KSR1: variants seen among roughly 807,000 people sequenced by gnomAD.
KSR1 encodes the protein kinase suppressor of ras.
In KSR1, 35 loss-of-function variants were observed where a neutral mutation model predicts 92.9. The observed-to-expected ratio is 0.38, with a 90% CI of 0.29 to 0.50. The LOEUF (loss-of-function observed/expected upper bound fraction) is 0.50. KSR1 is among the 20% of genes least tolerant of loss of function. The pLI, the probability that KSR1 is intolerant of heterozygous loss-of-function variation, is 0.94. For missense variants in KSR1, 972 were observed against 1,158.5 expected (o/e 0.84, Z 2.34); for synonymous variants, 467 against 472.6 (o/e 0.99, Z 0.15).
chr17:27,549,398 C>T (rs1051098019), intron 1 of KSR1, among the ~76,000 whole-genome samples: 3 of 152,194 alleles, frequency 2.0e-5, no homozygotes, highest in Admixed American at 6.5e-5. Context: ...TAACTGGCCT[C>T]TGTTGGGAAT....
At position 27,559,016 on chromosome 17, in the gene KSR1, C is replaced by T. The variant is rs552333555; in HGVS notation, c.372+8308C>T. Among the ~76,000 whole-genome samples, 1 of 152,290 alleles carries T rather than the reference C, an allele frequency of 6.6e-6. No homozygotes were observed. Among genetic ancestry groups the T allele is most frequent in the Admixed American group, 6.5e-5 (1 of 15,296 alleles). On this transcript the variant is annotated intron_variant, in intron 2 of 20. Coordinates refer to ENST00000644974, the MANE Select transcript of KSR1 (RefSeq NM_001394583.1). The surrounding 1 kb of genome is among the most constrained non-coding windows in gnomAD (Gnocchi z 4.2). ...TGTGTGTAATCTCCTCCTTCCTTTT[C>T]CATATTGTTTTCCTAAGGGCCATCC...
chr17:27,607,150 A>G (rs1262867791), intron 14 of KSR1, among the ~76,000 whole-genome samples: 1 of 152,220 alleles, frequency 6.6e-6, no homozygotes, highest in African/African-American at 2.4e-5. Context: ...GAAAATATTC[A>G]TTAACAAAAA....
Position 27,623,381 on chromosome 17 carries a change from C to A in KSR1, c.2776C>A (p.Pro926Thr). 1 of 764,858 alleles carries A rather than the reference C, an allele frequency of 1.3e-6. No homozygotes were observed. Among genetic ancestry groups the A allele is most frequent in the East Asian group, 2.4e-5 (1 of 41,248 alleles). The allele number at this position is 764,858 out of a possible 1,614,324, so 47.4% of individuals were successfully genotyped here. ...FGLGVLESSN[P>T]KM Reference sequence around the variant, plus strand: ...CTTGGGCGTCCTGGAGTCCAGTAATCCAAAGATGTAGCCAGCCATATGGTT... The same window carrying A: ...CTTGGGCGTCCTGGAGTCCAGTAATACAAAGATGTAGCCAGCCATATGGTT... The change falls in exon 21 of 21, where the codon CCA (proline) becomes ACA (threonine). Residue 926 changes from proline to threonine, a missense_variant. Physicochemically the swap from Pro to Thr is conservative, Grantham distance 38. Coordinates refer to ENST00000644974, the MANE Select transcript of KSR1 (RefSeq NM_001394583.1).
chr17:27,613,078 T>A (rs1360214032), intron 18 of KSR1: 1 of 152,252 alleles, frequency 6.6e-6, no homozygotes, highest in Non-Finnish European at 1.5e-5. Flanking sequence ...CCTCCAAAGA[T>A]GACACCAAAA....
chr17:27,569,315 G>A (rs944240769), intron 2 of KSR1, among the ~76,000 whole-genome samples: 13 of 152,188 alleles, frequency 8.5e-5, no homozygotes, highest in Admixed American at 5.9e-4. Flanking sequence ...GGACACATCC[G>A]GCCATTTTCA....
chr17:27,609,965 T>A, intron 16 of KSR1, 102 bp from the exon 17 acceptor site: 4 of 1,459,770 alleles, frequency 2.7e-6, no homozygotes, highest in Non-Finnish European at 3.7e-6. Context: ...TTCTAAGCTG[T>A]GTGTGGGTGT....
chr17:27,562,730 T>C (rs1047162575), intron 2 of KSR1, among the ~76,000 whole-genome samples: 22 of 152,244 alleles, frequency 1.4e-4, no homozygotes, highest in African/African-American at 5.1e-4. Flanking sequence ...CAATCTCTTA[T>C]TACCCTTCTT....
At chr17:27,599,912 G>A (rs113013020) in intron 10 of KSR1, among the ~76,000 whole-genome samples, 10 of 151,268 alleles carry the variant, frequency 6.6e-5, no homozygotes, top group East Asian at 5.8e-4. Flanking sequence ...AGACACACAC[G>A]CTAGCCTAGG....
intron 1 of KSR1, chr17:27,465,020 G>A (rs1447548070): frequency 2.6e-5 from 4 of 152,160 alleles, no homozygotes; most frequent in Non-Finnish European, 5.9e-5. Context: ...TGTAGTCAAA[G>A]GGTTGGACAC....
chr17:27,617,647 C>A (rs1184853323), intron 19 of KSR1: 6 of 508,382 alleles, frequency 1.2e-5, no homozygotes, highest in Non-Finnish European at 2.1e-5. Flanking sequence ...CCTGCCTCAG[C>A]CTCCCGAGTA....
At chr17:27,614,898 G>A (rs908712076) in intron 18 of KSR1, among the ~76,000 whole-genome samples, 4 of 152,092 alleles carry the variant, frequency 2.6e-5, no homozygotes, top group Non-Finnish European at 4.4e-5. Flanking sequence ...GGGGAACATT[G>A]GTCAACGCAA....
intron 7 of KSR1, 21 bp downstream of exon 7, chr17:27,590,915 G>C (rs543824081): frequency 1.3e-6 from 2 of 1,594,864 alleles, no homozygotes; most frequent in African/African-American, 2.7e-5. Context: ...GAGGAGTGGG[G>C]GTGGGGGGAG....
chr17:27,534,790 G>A (rs936563854), intron 1 of KSR1, among the ~76,000 whole-genome samples: 1 of 152,180 alleles, frequency 6.6e-6, no homozygotes, highest in Non-Finnish European at 1.5e-5. Context: ...AGAGAAGGTG[G>A]TCTTGCCTTC....
chr17:27,471,427 A>G (rs2019995367), intron 1 of KSR1, among the ~76,000 whole-genome samples: 1 of 152,136 alleles, frequency 6.6e-6, no homozygotes, highest in South Asian at 2.1e-4. Context: ...TTTTGAGCTG[A>G]GTCTTGAAAG....
chr17:27,552,016 C>CT (rs1335349801), intron 2 of KSR1, among the ~76,000 whole-genome samples: 3 of 152,212 alleles, frequency 2.0e-5, no homozygotes, highest in Admixed American at 2.0e-4. Flanking sequence ...TCGGTAGACT[C>CT]TAACCTTTGC....
intron 19 of KSR1, among the ~76,000 whole-genome samples, chr17:27,619,356 T>C (rs2074152105): frequency 6.6e-6 from 1 of 152,038 alleles, no homozygotes; most frequent in African/African-American, 2.4e-5. Flanking sequence ...TCTTAGTGTG[T>C]GGCCAGATTT....
At position 27,608,255 on chromosome 17, in the gene KSR1, G is replaced by T. The variant is rs535089358; in HGVS notation, c.2091+245G>T. 1.2e-4 allele frequency among the ~76,000 whole-genome samples: 19 copies of T among 152,166 alleles called. 1 individual carries two copies. Among genetic ancestry groups the T allele is most frequent in the Admixed American group, 7.9e-4 (12 of 15,278 alleles). ...ATTGACTTGGTTGGGAAGGAACTTG[G>T]CAGGCTTTAGAGGCCAGTTTCAATC... is the stretch of plus-strand genomic sequence containing the variant. On this transcript the variant is annotated intron_variant, in intron 15 of 20. Coordinates refer to ENST00000644974, the MANE Select transcript of KSR1 (RefSeq NM_001394583.1).
chr17:27,490,112 C>A, intron 1 of KSR1, among the ~76,000 whole-genome samples: 1 of 152,208 alleles, frequency 6.6e-6, no homozygotes, highest in East Asian at 1.9e-4. Context: ...TTCCTCTCTA[C>A]CTGTTATCAG....
intron 1 of KSR1, among the ~76,000 whole-genome samples, chr17:27,544,818 A>G (rs939723309): frequency 2.6e-5 from 4 of 152,222 alleles, no homozygotes; most frequent in African/African-American, 4.8e-5. Flanking sequence ...AGCAGGCCCC[A>G]CTGTGGTTTG....
Sources: gnomAD v4.1 joint callset for allele counts (sites outside exome capture counted in the v4.1 genomes callset) on GRCh38, gnomAD v4.1.1 for gene constraint, Gnocchi (gnomAD v3.1) non-coding constraint, MANE v1.5 for transcripts, NCBI Gene and HGNC (gene_info 2026-07-23, HGNC 2026-07-21) for gene names.